The following NME7 variants were observed in gnomAD, a reference collection of about 807,000 sequenced individuals.
NME7 encodes nucleoside diphosphate kinase 7.
NME7 carries 41 observed loss-of-function variants against 49.1 expected under a neutral mutation model. That is an observed-to-expected ratio of 0.83 (90% CI 0.65 to 1.08). The LOEUF (loss-of-function observed/expected upper bound fraction) is 1.08, where lower values mean the gene tolerates loss of function less well. Among genes scored for constraint, NME7 ranks in the 50% least tolerant of loss-of-function variants. NME7 has a pLI of 0.00. For missense variants in NME7, 423 were observed against 463.4 expected, an observed-to-expected ratio of 0.91 and a Z score of 0.80; for synonymous variants, 139 against 150.6, an observed-to-expected ratio of 0.92 and a Z score of 0.56.
intron 11 of NME7, among the ~76,000 whole-genome samples, chr1:169,165,104 C>T (rs1659370789): frequency 8.0e-6 from 1 of 125,502 alleles, no homozygotes; most frequent in Non-Finnish European, 1.8e-5. Flanking sequence ...CTCATAAATA[C>T]CATAATTTAT....
chr1:169,323,978 C>G (rs576737928), intron 2 of NME7, among the ~76,000 whole-genome samples: 1 of 151,522 alleles, frequency 6.6e-6, no homozygotes, highest in Non-Finnish European at 1.5e-5. Context: ...CTCAGCCTCC[C>G]GAGTAGCTGG....
intron 10 of NME7, among the ~76,000 whole-genome samples, chr1:169,208,010 G>C (rs2101788622): frequency 6.6e-6 from 1 of 152,004 alleles, no homozygotes; most frequent in East Asian, 1.9e-4. Context: ...TGTAACTTTT[G>C]GCAACAAAAT....
At chr1:169,171,373 A>C (rs1571261888) in intron 10 of NME7, among the ~76,000 whole-genome samples, 1 of 152,044 alleles carries the variant, frequency 6.6e-6, no homozygotes, top group Admixed American at 6.5e-5. Context: ...CCCTGTCTCA[A>C]AAAAAGAAAA....
chr1:169,326,463 T>C (rs1652060839), intron 1 of NME7, among the ~76,000 whole-genome samples: 1 of 152,142 alleles, frequency 6.6e-6, no homozygotes, highest in African/African-American at 2.4e-5. Context: ...GCGTTGTCTT[T>C]ACTCGTAAGA....
rs546820314 is a variant in NME7 at position 169,366,866 on chromosome 1, A to C, written c.3+842T>G. Among the ~76,000 whole-genome samples, 5 of 151,584 alleles carry C rather than the reference A, an allele frequency of 3.3e-5. No homozygotes were observed. In the South Asian group the frequency reaches 1.0e-3, roughly 32 times the overall value. On this transcript the variant is annotated intron_variant, in intron 1 of 11. Coordinates refer to ENST00000367811, the MANE Select transcript of NME7 (RefSeq NM_013330.5). ...GATTGCTGAGTAGTATGAAGAAACA[A>C]GGGGTGGTGGGTGAGGGCTCTGTTT...
At chr1:169,329,218 T>C (rs532771288) in intron 1 of NME7, among the ~76,000 whole-genome samples, 2 of 152,188 alleles carry the variant, frequency 1.3e-5, no homozygotes, top group South Asian at 2.1e-4. Flanking sequence ...TTCACTTTAC[T>C]TTCTCTCCCA....
chr1:169,337,208 C>T (rs1159375147), intron 1 of NME7, among the ~76,000 whole-genome samples: 1 of 152,226 alleles, frequency 6.6e-6, no homozygotes, highest in Non-Finnish European at 1.5e-5. Context: ...CTGCAGGTCC[C>T]GAGCCGTGCC....
At chr1:169,340,246 C>T (rs773806590) in intron 1 of NME7, among the ~76,000 whole-genome samples, 6 of 152,230 alleles carry the variant, frequency 3.9e-5, no homozygotes, top group Middle Eastern at 3.4e-3. Flanking sequence ...CTTGTGATAG[C>T]GGGTTCTCAC....
chr1:169,311,436 A>C (rs1651387499), intron 3 of NME7, among the ~76,000 whole-genome samples: 2 of 151,772 alleles, frequency 1.3e-5, no homozygotes, highest in African/African-American at 4.8e-5. Flanking sequence ...AAAAAAAAAA[A>C]AAATCAAATA....
chr1:169,268,631 C>A (rs1264523047), intron 7 of NME7, among the ~76,000 whole-genome samples: 1 of 133,458 alleles, frequency 7.5e-6, no homozygotes, highest in Non-Finnish European at 1.8e-5. Context: ...AGATCATGTC[C>A]TTTATAGGAA....
At chr1:169,287,504 A>G (rs986655136) in intron 6 of NME7, 96 bp from the exon 7 acceptor site, 1 of 889,444 alleles carries the variant, frequency 1.1e-6, no homozygotes, top group Non-Finnish European at 1.7e-6. Flanking sequence ...AATTACTTTT[A>G]GAGTTTCATC....
intron 10 of NME7, among the ~76,000 whole-genome samples, chr1:169,184,907 T>C (rs944738650): frequency 6.6e-6 from 1 of 152,166 alleles, no homozygotes; most frequent in Admixed American, 6.5e-5. Context: ...AATTGGAAAG[T>C]GATACTAACA....
At chr1:169,282,026 C>A (rs763052337) in intron 7 of NME7, among the ~76,000 whole-genome samples, 48 of 152,130 alleles carry the variant, frequency 3.2e-4, no homozygotes, top group Non-Finnish European at 5.7e-4. Context: ...AGGAATGGTA[C>A]CAGCTCCTCT....
chr1:169,258,962 C>T (rs2101860714), intron 7 of NME7, among the ~76,000 whole-genome samples: 1 of 133,664 alleles, frequency 7.5e-6, no homozygotes, highest in South Asian at 2.3e-4. Flanking sequence ...GATCCTGATG[C>T]ACACTAACGT....
intron 11 of NME7, among the ~76,000 whole-genome samples, chr1:169,161,764 G>A (rs1360495750): frequency 3.3e-5 from 5 of 152,090 alleles, no homozygotes; most frequent in East Asian, 1.9e-4. Flanking sequence ...ACTGAAAACT[G>A]TCTTTGTAAA....
chr1:169,220,132 G>T lies in NME7; in HGVS notation c.990+10586C>A, dbSNP rs558099710. 2.6e-4 allele frequency among the ~76,000 whole-genome samples: 40 copies of T among 152,252 alleles called. 1 individual carries two copies. Among genetic ancestry groups the T allele is most frequent in the African/African-American group, 9.4e-4 (39 of 41,568 alleles). On this transcript the variant is annotated intron_variant, in intron 10 of 11. Coordinates refer to ENST00000367811, the MANE Select transcript of NME7 (RefSeq NM_013330.5). ...ACCCATATGTTGTTTTGAGAAGTGG[G>T]CCTGTACTTAATACCTCTACCTGTA...
chr1:169,284,783 G>A lies in NME7; in HGVS notation c.754+2520C>T, dbSNP rs559577716. 2.0e-5 allele frequency: 3 copies of A among 152,130 alleles called. No homozygotes were observed. In the South Asian group the frequency reaches 6.2e-4, roughly 32 times the overall value. 9.4% of individuals were successfully genotyped at this position (152,130 alleles called of 1,614,324 possible). ...GTATACGGTATAAGGAAGGGGTCCC[G>A]TGTCAATTTTCTCCATGTGGCTATC... On this transcript the variant is annotated intron_variant, in intron 7 of 11. Transcript: ENST00000367811.
chr1:169,182,543 T>C (rs898651326), intron 10 of NME7, among the ~76,000 whole-genome samples: 12 of 152,202 alleles, frequency 7.9e-5, no homozygotes, highest in African/African-American at 2.7e-4. Context: ...CATAGCATTC[T>C]TTCCTTACTT....
At position 169,280,344 on chromosome 1, in the gene NME7, T is replaced by C. The variant is rs148302087; in HGVS notation, c.754+6959A>G. On this transcript the variant is annotated intron_variant, in intron 7 of 11. Transcript: ENST00000367811. ...TAAGTTTGTTTACATTCTTTGTAGA[T>C]TCTAGATATTAGCCCTTTGTCAGAT... Among the ~76,000 whole-genome samples, 995 of 152,298 alleles carry C rather than the reference T, an allele frequency of 6.5e-3. 4 individuals carry two copies. The highest frequency in any genetic ancestry group is 0.023 in the African/African-American group (957 of 41,552).
Sources: allele counts gnomAD v4.1 joint callset (sites outside exome capture counted in the v4.1 genomes callset), GRCh38; gene constraint gnomAD v4.1.1; transcripts MANE v1.5; gene names NCBI Gene and HGNC (gene_info 2026-07-23, HGNC 2026-07-21).